SDK1: variants seen among roughly 807,000 people sequenced by gnomAD.
SDK1 encodes the protein protein sidekick-1.
SDK1 carries 157 observed loss-of-function variants against 245.5 expected under a neutral mutation model. That is an observed-to-expected ratio of 0.64 (90% CI 0.56 to 0.73). SDK1 has a LOEUF of 0.73. Ranked by LOEUF, SDK1 falls within the 30% of genes least tolerant of loss-of-function variation. The probability of loss-of-function intolerance (pLI) is 0.00; values close to 1 mark genes in which losing one functional copy is unlikely to be tolerated. For synonymous variants in SDK1, 1,647 were observed against 1,278.5 expected (o/e 1.29, Z -6.15); for missense variants, 3,583 against 3,002.3 (o/e 1.19, Z -4.52).
intron 1 of SDK1, among the ~76,000 whole-genome samples, chr7:3,387,937 C>A (rs538655751): frequency 6.6e-6 from 1 of 152,310 alleles, no homozygotes; most frequent in African/African-American, 2.4e-5. Flanking sequence ...ATAGAAGTTA[C>A]ATAATTTGCT....
chr7:3,473,631 G>T (rs529346771), intron 1 of SDK1, among the ~76,000 whole-genome samples: 1 of 152,148 alleles, frequency 6.6e-6, no homozygotes, highest in East Asian at 1.9e-4. Context: ...CTTTATTCAT[G>T]ACTACCTTTT....
chr7:3,358,033 T>G (rs557380703), intron 1 of SDK1, among the ~76,000 whole-genome samples: 33 of 152,256 alleles, frequency 2.2e-4, no homozygotes, highest in South Asian at 4.1e-4. Context: ...TCTTTTTTTT[T>G]GGGGGATGGA....
intron 5 of SDK1, among the ~76,000 whole-genome samples, chr7:3,894,623 G>T (rs1317757840): frequency 1.3e-5 from 2 of 151,958 alleles, no homozygotes; most frequent in East Asian, 3.9e-4. Context: ...CAGGGCATCA[G>T]ATCCACAGAA....
intron 2 of SDK1, among the ~76,000 whole-genome samples, chr7:3,624,755 T>C (rs188585985): frequency 5.8e-4 from 88 of 152,034 alleles, no homozygotes; most frequent in African/African-American, 2.0e-3. Flanking sequence ...ATAAAAAATA[T>C]ATGATCAAGG....
At chr7:3,484,660 C>G (rs1330463095) in intron 1 of SDK1, among the ~76,000 whole-genome samples, 1 of 152,134 alleles carries the variant, frequency 6.6e-6, no homozygotes, top group Non-Finnish European at 1.5e-5. Flanking sequence ...TCACACTTTC[C>G]TCTCCCCTGC....
intron 3 of SDK1, among the ~76,000 whole-genome samples, chr7:3,641,479 C>T (rs1185233152): frequency 1.3e-5 from 2 of 151,998 alleles, no homozygotes; most frequent in Admixed American, 6.6e-5. Flanking sequence ...AAATATTGCT[C>T]CCAAAAGATC....
chr7:3,336,111 G>C (rs1780192900), intron 1 of SDK1, among the ~76,000 whole-genome samples: 1 of 152,208 alleles, frequency 6.6e-6, no homozygotes, highest in Non-Finnish European at 1.5e-5. Flanking sequence ...CCAGAGGACA[G>C]GGGAAGGGAG....
chr7:3,901,443 C>T (rs778204945), intron 5 of SDK1, among the ~76,000 whole-genome samples: 11 of 152,126 alleles, frequency 7.2e-5, no homozygotes, highest in Non-Finnish European at 1.5e-4. Context: ...GCCTTGGCCT[C>T]CCAAAGTGCT....
chr7:3,506,265 T>C (rs1782389932), intron 1 of SDK1, among the ~76,000 whole-genome samples: 2 of 152,136 alleles, frequency 1.3e-5, no homozygotes, highest in Non-Finnish European at 2.9e-5. Context: ...AGGGTGATAG[T>C]TTTATTTATT....
intron 4 of SDK1, among the ~76,000 whole-genome samples, chr7:3,800,007 T>C (rs969847479): frequency 6.6e-6 from 1 of 152,200 alleles, no homozygotes; most frequent in African/African-American, 2.4e-5. Context: ...TAGATTACTA[T>C]GCAGGTTCTG....
Position 3,749,149 on chromosome 7 carries a change from T to C in SDK1, c.714-72301T>C, listed in dbSNP as rs557930047. On this transcript the variant is annotated intron_variant, in intron 4 of 44. Coordinates refer to ENST00000404826, the MANE Select transcript of SDK1 (RefSeq NM_152744.4). ...AGGAGAACATCACCTCTTTTTTTTTTCTTTTGAGAGGGAGTCTCGCTCTGT... is the reference window on the plus strand; with the variant it reads ...AGGAGAACATCACCTCTTTTTTTTTCCTTTTGAGAGGGAGTCTCGCTCTGT... 1.7e-4 allele frequency among the ~76,000 whole-genome samples: 26 copies of C among 152,284 alleles called. No homozygotes were observed. The South Asian group carries it at 4.6e-3, about 27-fold the overall frequency.
intron 4 of SDK1, among the ~76,000 whole-genome samples, chr7:3,719,421 G>A (rs78615219): frequency 6.6e-6 from 1 of 152,220 alleles, no homozygotes; most frequent in East Asian, 1.9e-4. Flanking sequence ...AATCGTGACT[G>A]TGTGGTACTG....
intron 1 of SDK1, among the ~76,000 whole-genome samples, chr7:3,448,935 C>A (rs975839600): frequency 1.3e-5 from 2 of 152,052 alleles, no homozygotes; most frequent in Admixed American, 6.6e-5. Flanking sequence ...ATTATTCCTG[C>A]GAACAAATTC....
At chr7:3,724,444 T>C (rs1468425518) in intron 4 of SDK1, among the ~76,000 whole-genome samples, 1 of 152,098 alleles carries the variant, frequency 6.6e-6, no homozygotes, top group Non-Finnish European at 1.5e-5. Flanking sequence ...TAGTTGTTAT[T>C]CTATTGTACC....
intron 1 of SDK1, among the ~76,000 whole-genome samples, chr7:3,432,006 C>T (rs1484122374): frequency 6.6e-6 from 1 of 151,184 alleles, no homozygotes; most frequent in Non-Finnish European, 1.5e-5. Flanking sequence ...AAAATATACC[C>T]GTTGAATAGA....
In SDK1 at chr7:4,157,255, C is replaced by CGGAA. The variant is rs200896942; in HGVS notation, c.4626-1179_4626-1176dup. 1.7e-3 allele frequency among the ~76,000 whole-genome samples: 247 copies of CGGAA among 141,440 alleles called. 1 individual carries two copies. The highest frequency in any genetic ancestry group is 6.4e-3 in the African/African-American group (239 of 37,228). 92.8% of individuals were successfully genotyped at this position (141,440 alleles called of 152,430 possible). ...CATGTGGAGTAGCTGGACGGACGGA[C>CGGAA]GGAAGGAAGGAAGGAAGAATGAAGG... On this transcript the variant is annotated intron_variant, in intron 30 of 44. Transcript: ENST00000404826.
chr7:3,547,282 AATTG>A (rs1471803576), intron 1 of SDK1, among the ~76,000 whole-genome samples: 1 of 152,212 alleles, frequency 6.6e-6, no homozygotes, highest in East Asian at 1.9e-4. Context: ...TAATTATTAT[AATTG>A]ATCTGAATAA....
chr7:3,583,005 CA>C (rs1422415435), intron 1 of SDK1, among the ~76,000 whole-genome samples: 3 of 152,140 alleles, frequency 2.0e-5, no homozygotes, highest in African/African-American at 7.2e-5. Context: ...AGTGCATTCC[CA>C]AGTCCTTCCT....
intron 20 of SDK1, among the ~76,000 whole-genome samples, chr7:4,074,741 T>C (rs1025195523): frequency 6.6e-6 from 1 of 151,132 alleles, no homozygotes; most frequent in African/African-American, 2.4e-5. Context: ...CACATGCCTA[T>C]AGTACCAGCT....
Sources: gnomAD v4.1 joint callset for allele counts (sites outside exome capture counted in the v4.1 genomes callset) on GRCh38, gnomAD v4.1.1 for gene constraint, MANE v1.5 for transcripts, NCBI Gene and HGNC (gene_info 2026-07-23, HGNC 2026-07-21) for gene names.